Variants in NAV1 observed in about 807,000 individuals in gnomAD.
NAV1 encodes the protein pore membrane and/or filament interacting like protein 3.
Under a neutral mutation model 175.2 loss-of-function variants are expected in NAV1, and 18 were observed. That is an observed-to-expected ratio of 0.10 (90% CI 0.07 to 0.15). The LOEUF (loss-of-function observed/expected upper bound fraction) is 0.15, where lower values mean the gene tolerates loss of function less well. Among genes scored for constraint, NAV1 ranks in the 10% least tolerant of loss-of-function variants. The probability of loss-of-function intolerance (pLI) is 1.00; values close to 1 mark genes in which losing one functional copy is unlikely to be tolerated. For synonymous variants in NAV1, 897 were observed against 978.7 expected, an observed-to-expected ratio of 0.92 and a Z score of 1.56; for missense variants, 1,731 against 2,436.6, an observed-to-expected ratio of 0.71 and a Z score of 6.10.
chr1:201,595,140 G>T (rs1440846309), intron 2 of NAV1, among the ~76,000 whole-genome samples: 1 of 152,182 alleles, frequency 6.6e-6, no homozygotes, highest in Non-Finnish European at 1.5e-5. Flanking sequence ...CACCACCAGT[G>T]GGACCCCAGT....
intron 1 of NAV1, among the ~76,000 whole-genome samples, chr1:201,550,596 G>C (rs1344629390): frequency 5.9e-5 from 9 of 152,230 alleles, no homozygotes; most frequent in Non-Finnish European, 1.2e-4. Flanking sequence ...AATTTTATCT[G>C]TAAGTTATTT....
chr1:201,672,804 C>A (rs1670092307), intron 1 of NAV1, among the ~76,000 whole-genome samples: 1 of 152,222 alleles, frequency 6.6e-6, no homozygotes, highest in Admixed American at 6.5e-5. Context: ...GGAAGGCAAG[C>A]TTGGTTTGCA....
intron 3 of NAV1, among the ~76,000 whole-genome samples, chr1:201,759,593 C>T (rs1483081998): frequency 6.6e-6 from 1 of 152,178 alleles, no homozygotes; most frequent in African/African-American, 2.4e-5. Flanking sequence ...CATGCTTGTC[C>T]AGCAATGCAG....
At chr1:201,712,781 C>T (rs1671964399) in intron 1 of NAV1, 36 bp from the exon 6 acceptor site, 7 of 1,463,592 alleles carry the variant, frequency 4.8e-6, no homozygotes, top group Non-Finnish European at 5.8e-6. Flanking sequence ...ATTAAGTTCT[C>T]TTCACTCACC....
At chr1:201,744,334 AT>A (rs1452467592) in intron 3 of NAV1, among the ~76,000 whole-genome samples, 7 of 151,728 alleles carry the variant, frequency 4.6e-5, no homozygotes, top group African/African-American at 1.7e-4. Flanking sequence ...TTATTTATTT[AT>A]TTATTTATTT....
chr1:201,551,461 T>C (rs1436850251), intron 1 of NAV1, among the ~76,000 whole-genome samples: 1 of 152,136 alleles, frequency 6.6e-6, no homozygotes, highest in African/African-American at 2.4e-5. Flanking sequence ...ACTCCGAGGC[T>C]CAAGTGATCT....
chr1:201,553,775 TTG>T (rs1335988188), intron 1 of NAV1, among the ~76,000 whole-genome samples: 8 of 152,368 alleles, frequency 5.3e-5, no homozygotes, highest in Middle Eastern at 6.8e-3. Context: ...AGGTTCTATT[TTG>T]TGTCTGGCTT....
intron 3 of NAV1, among the ~76,000 whole-genome samples, chr1:201,766,066 A>T (rs1249436335): frequency 6.6e-6 from 1 of 152,218 alleles, no homozygotes; most frequent in Non-Finnish European, 1.5e-5. Flanking sequence ...CAAGGGGCCA[A>T]ATAAATTTTC....
At chr1:201,564,139 G>T (rs1039952320) in intron 1 of NAV1, among the ~76,000 whole-genome samples, 3 of 149,020 alleles carry the variant, frequency 2.0e-5, no homozygotes, top group Non-Finnish European at 4.4e-5. Context: ...GGGAGGGAGG[G>T]AGGAAGAAAG....
rs1007642585 is a variant in NAV1 at position 201,649,553 on chromosome 1, C to G, written c.757+128C>G. 27 of 1,385,106 alleles carry G rather than the reference C, an allele frequency of 1.9e-5. No individual in the cohort carries two copies. In the African/African-American group the frequency reaches 3.3e-4, roughly 17 times the overall value. 85.8% of individuals were successfully genotyped at this position (1,385,106 alleles called of 1,614,324 possible). A position where few individuals can be genotyped will look rare whatever the true frequency, so the allele number is the denominator to read the frequency against. Reference sequence around the variant, plus strand: ...GAGGGCCCTCCTGTTCACGATCAGGCTGTGATGGGCATTGCGCCCAGATGT... The same window carrying G: ...GAGGGCCCTCCTGTTCACGATCAGGGTGTGATGGGCATTGCGCCCAGATGT... On this transcript the variant is annotated intron_variant, in intron 1 of 29. Coordinates refer to ENST00000367296, the Ensembl canonical transcript of NAV1.
chr1:201,677,250 C>CA lies in NAV1; in HGVS notation c.757+27844dup, dbSNP rs3053786. ...TGGGCGACAGATTGAGACTCCATCT[C>CA]AAAAAAAAAAAAAAAAAAAGAATTG... On this transcript the variant is annotated intron_variant, in intron 1 of 29. Coordinates refer to ENST00000367296, the Ensembl canonical transcript of NAV1. 4.4e-3 allele frequency among the ~76,000 whole-genome samples: 489 copies of CA among 110,656 alleles called. 7 individuals are homozygous for CA. The highest frequency in any genetic ancestry group is 0.04 in the East Asian group (154 of 3,838). 72.6% of individuals were successfully genotyped at this position (110,656 alleles called of 152,430 possible). A position where few individuals can be genotyped will look rare whatever the true frequency, so the allele number is the denominator to read the frequency against.
chr1:201,743,171 C>T (rs933868634), intron 3 of NAV1, among the ~76,000 whole-genome samples: 1 of 152,174 alleles, frequency 6.6e-6, no homozygotes, highest in Admixed American at 6.5e-5. Context: ...ATACCTAGGT[C>T]TGTCTGACTC....
chr1:201,648,250 A>T (rs1336669782), exon 1 of NAV1: 2 of 1,026,948 alleles, frequency 1.9e-6, no homozygotes, highest in Non-Finnish European at 2.3e-6. Flanking sequence ...TGCGGTGTCC[A>T]CGGGACTGAC....
At chr1:201,559,161 G>C (rs1343570997) in intron 1 of NAV1, among the ~76,000 whole-genome samples, 1 of 152,188 alleles carries the variant, frequency 6.6e-6, no homozygotes, top group African/African-American at 2.4e-5. Context: ...GAAAGGGGTT[G>C]TTGATAGCTC....
intron 1 of NAV1, among the ~76,000 whole-genome samples, chr1:201,570,302 T>TA (rs1558001309): frequency 6.6e-6 from 1 of 152,172 alleles, no homozygotes. Flanking sequence ...GGCGCCTCCT[T>TA]ACAGCCGTCA....
At chr1:201,564,367 C>A (rs1485384203) in intron 1 of NAV1, among the ~76,000 whole-genome samples, 1 of 152,164 alleles carries the variant, frequency 6.6e-6, no homozygotes, top group African/African-American at 2.4e-5. Context: ...GTAATCCCAG[C>A]ACTTTGGGAG....
chr1:201,600,485 T>C (rs1036409482), intron 2 of NAV1, among the ~76,000 whole-genome samples: 1 of 152,246 alleles, frequency 6.6e-6, no homozygotes, highest in Admixed American at 6.5e-5. Flanking sequence ...ATACAGTCTA[T>C]ACTTTAGTTA....
Position 201,808,139 on chromosome 1 carries a change from G to A in NAV1, c.3835G>A (p.Asp1279Asn). Residue 1279 changes from aspartate to asparagine, a missense_variant, in exon 18 of 30, where the codon GAT becomes AAT. Asp to Asn is a conservative substitution (Grantham distance 23). Around this residue, in one of 13 missense-constraint regions of NAV1, gnomAD observed 146 missense variants for 176.8 expected, o/e 0.83. Transcript: ENST00000367296. This position sits in a 1 kb window ranked among gnomAD's most constrained non-coding sequence, Gnocchi z 5.5. Reference sequence around the variant, plus strand: ...CTCCACCTCGTCCTCCGTGGGCACTGATGTCACCGAGTAAGTGCTCTTTGG... The same window carrying A: ...CTCCACCTCGTCCTCCGTGGGCACTAATGTCACCGAGTAAGTGCTCTTTGG... The A allele has an allele frequency of 6.2e-7, 1 of 1,614,162 alleles. No individual in the cohort carries two copies. The highest frequency in any genetic ancestry group is 1.3e-5 in the African/African-American group (1 of 75,044).
chr1:201,648,786 A>G, exon 1 of NAV1: 1 of 1,493,934 alleles, frequency 6.7e-7, no homozygotes, highest in Non-Finnish European at 8.9e-7. Flanking sequence ...GGCGGACGGC[A>G]GAGGCATGCT....
Sources: allele counts gnomAD v4.1 joint callset (sites outside exome capture counted in the v4.1 genomes callset), GRCh38; gene constraint gnomAD v4.1.1; regional missense constraint gnomAD v4.1.1; non-coding constraint Gnocchi (gnomAD v3.1); transcripts MANE v1.5; gene names NCBI Gene and HGNC (gene_info 2026-07-23, HGNC 2026-07-21).